Variants in CNBD1 observed in about 807,000 individuals in gnomAD.
The protein encoded by CNBD1 is cyclic nucleotide-binding domain-containing protein 1.
CNBD1 carries 71 observed loss-of-function variants against 54.4 expected under a neutral mutation model. The observed-to-expected ratio is 1.30, with a 90% CI of 1.08 to 1.59. The LOEUF is 1.59. CNBD1 is among the 40% of genes most tolerant of loss of function. The pLI, the probability that CNBD1 is intolerant of heterozygous loss-of-function variation, is 0.00. For synonymous variants in CNBD1, 182 were observed against 170.7 expected (o/e 1.07, Z -0.51); for missense variants, 659 against 518.0 (o/e 1.27, Z -2.64).
At chr8:87,160,207 AG>A (rs142970166) in intron 4 of CNBD1, among the ~76,000 whole-genome samples, 1,915 of 152,154 alleles carry the variant, frequency 0.013, 53 homozygotes, top group African/African-American at 0.043. Flanking sequence ...GCAACTTATA[AG>A]AACAAATTCT....
At chr8:87,262,266 T>C (rs1808158727) in intron 6 of CNBD1, among the ~76,000 whole-genome samples, 1 of 152,218 alleles carries the variant, frequency 6.6e-6, no homozygotes, top group African/African-American at 2.4e-5. Context: ...AAACATAAGA[T>C]TAAGTTTCAG....
intron 5 of CNBD1, among the ~76,000 whole-genome samples, chr8:87,214,287 T>C (rs1814160664): frequency 6.6e-6 from 1 of 152,200 alleles, no homozygotes; most frequent in Non-Finnish European, 1.5e-5. Context: ...ATCATCTTCC[T>C]CAAGCTCAAA....
intron 8 of CNBD1, among the ~76,000 whole-genome samples, chr8:87,337,583 C>A (rs1225192123): frequency 6.6e-6 from 1 of 152,212 alleles, no homozygotes; most frequent in Non-Finnish European, 1.5e-5. Flanking sequence ...ATGGTGGTGA[C>A]CCAAGGCCCT....
intron 4 of CNBD1, among the ~76,000 whole-genome samples, chr8:87,119,826 C>T (rs1811854159): frequency 1.3e-5 from 2 of 151,946 alleles, no homozygotes; most frequent in African/African-American, 4.8e-5. Context: ...TTTTCTTTAT[C>T]TATTGAGATC....
chr8:87,117,431 C>A (rs1290969000), intron 4 of CNBD1, among the ~76,000 whole-genome samples: 2 of 149,370 alleles, frequency 1.3e-5, no homozygotes, highest in African/African-American at 2.5e-5. Context: ...GAGAACACAT[C>A]AGATATGGAT....
At chr8:87,383,413 C>A (rs1212553045), downstream of CNBD1, among the ~76,000 whole-genome samples, 1 of 152,080 alleles carries the variant, frequency 6.6e-6, no homozygotes, top group African/African-American at 2.4e-5. Context: ...ATATTAGGTG[C>A]TCTAAAAATG....
intron 4 of CNBD1, among the ~76,000 whole-genome samples, chr8:87,024,696 A>C (rs1809592579): frequency 3.3e-5 from 5 of 152,146 alleles, no homozygotes; most frequent in Non-Finnish European, 5.9e-5. Context: ...GTTTTTGTAG[A>C]AGTAATAAGA....
intron 6 of CNBD1, among the ~76,000 whole-genome samples, chr8:87,274,683 G>A (rs1808439498): frequency 7.5e-6 from 1 of 133,558 alleles, no homozygotes; most frequent in Admixed American, 7.1e-5. Flanking sequence ...TTTGTCAGAT[G>A]AGTAGGTTGT....
rs186267100 is a variant in CNBD1 at position 87,316,902 on chromosome 8, T to C, written c.1042+30231T>C. Among the ~76,000 whole-genome samples the C allele has an allele frequency of 1.8e-3, 274 of 151,896 alleles. 1 individual carries two copies. The highest frequency in any genetic ancestry group is 0.014 in the Middle Eastern group (4 of 294). On this transcript the variant is annotated intron_variant, in intron 8 of 10. Transcript: ENST00000518476. ...TTTATTATTATATAAATATTCATTA[T>C]ATAATGGAATGCATTTTAGAATGTG...
intron 5 of CNBD1, among the ~76,000 whole-genome samples, chr8:87,217,573 C>CTT (rs35123267): frequency 3.1e-3 from 456 of 144,918 alleles, no homozygotes; most frequent in Non-Finnish European, 4.6e-3. Flanking sequence ...TTTTATTAAG[C>CTT]TTTTTTTTTT....
intron 9 of CNBD1, among the ~76,000 whole-genome samples, chr8:87,352,433 T>C (rs1304912275): frequency 2.1e-5 from 3 of 143,016 alleles, no homozygotes; most frequent in Admixed American, 1.5e-4. Context: ...TGAGCCAAGA[T>C]TGTGCCACTG....
At chr8:87,240,814 G>T (rs1807682125) in intron 6 of CNBD1, among the ~76,000 whole-genome samples, 1 of 152,056 alleles carries the variant, frequency 6.6e-6, no homozygotes. Flanking sequence ...CCCTGGAGCT[G>T]GTGTTGCCTC....
At chr8:87,374,454 G>A (rs1384048782) in intron 10 of CNBD1, among the ~76,000 whole-genome samples, 1 of 151,826 alleles carries the variant, frequency 6.6e-6, no homozygotes, top group African/African-American at 2.4e-5. Context: ...GGCAACTTTA[G>A]TATAACAGAC....
intron 6 of CNBD1, among the ~76,000 whole-genome samples, chr8:87,261,867 C>T (rs1284522405): frequency 6.6e-6 from 1 of 151,648 alleles, no homozygotes; most frequent in East Asian, 1.9e-4. Flanking sequence ...CAACATAGGC[C>T]AGGTGCAGTG....
rs200816620 is a variant in CNBD1 at position 87,014,141 on chromosome 8, G to GA, written c.431+74391dup. ...TAAAAAAGCACTCAAATCAAATACA[G>GA]AAAACAAAAAAAAACCAGAAGAGTA... is the stretch of plus-strand genomic sequence containing the variant. On this transcript the variant is annotated intron_variant, in intron 4 of 10. Transcript: ENST00000518476. 9.8e-3 allele frequency among the ~76,000 whole-genome samples: 1,451 copies of GA among 148,520 alleles called. 24 individuals are homozygous for GA. The highest frequency in any genetic ancestry group is 0.035 in the African/African-American group (1,372 of 39,210).
chr8:87,030,795 A>G (rs1195590048), intron 4 of CNBD1, among the ~76,000 whole-genome samples: 3 of 151,438 alleles, frequency 2.0e-5, no homozygotes, highest in African/African-American at 4.9e-5. Context: ...CAAGGCAGAA[A>G]GGGAAAGGGT....
intron 4 of CNBD1, among the ~76,000 whole-genome samples, chr8:87,164,929 T>C (rs1812930314): frequency 6.6e-6 from 1 of 151,894 alleles, no homozygotes; most frequent in East Asian, 1.9e-4. Context: ...CTATTTTTTT[T>C]CTTAGAACTA....
At chr8:87,375,235 ACT>A (rs113585802) in intron 10 of CNBD1, among the ~76,000 whole-genome samples, 2,284 of 151,994 alleles carry the variant, frequency 0.015, 58 homozygotes, top group African/African-American at 0.049. Flanking sequence ...CTCTGACAAC[ACT>A]GTTTTTAAAA....
At chr8:87,379,617 A>G (rs1333060170) in intron 10 of CNBD1, among the ~76,000 whole-genome samples, 1 of 152,030 alleles carries the variant, frequency 6.6e-6, no homozygotes, top group Non-Finnish European at 1.5e-5. Context: ...AAGAAATAAA[A>G]GGGAAAACAT....
Sources: allele counts gnomAD v4.1 joint callset (sites outside exome capture counted in the v4.1 genomes callset), GRCh38; gene constraint gnomAD v4.1.1; transcripts MANE v1.5; gene names NCBI Gene and HGNC (gene_info 2026-07-23, HGNC 2026-07-21).